MARCHF5: variants seen among roughly 807,000 people sequenced by gnomAD.
MARCHF5 encodes membrane associated ring-CH-type finger 5, also known as E3 ubiquitin-protein ligase MARCHF5.
MARCHF5 carries 5 observed loss-of-function variants against 36.5 expected under a neutral mutation model. The observed-to-expected ratio is 0.14, with a 90% CI of 0.07 to 0.29. The LOEUF (loss-of-function observed/expected upper bound fraction) is 0.29. Ranked by LOEUF, MARCHF5 falls within the 10% of genes least tolerant of loss-of-function variation. The probability of loss-of-function intolerance (pLI) is 1.00; values close to 1 mark genes in which losing one functional copy is unlikely to be tolerated. For synonymous variants in MARCHF5, 103 were observed against 109.9 expected (o/e 0.94, Z 0.39); for missense variants, 179 against 336.3 (o/e 0.53, Z 3.66).
chr10:92,295,399 A>ATTTT (rs1234961486), intron 1 of MARCHF5, among the ~76,000 whole-genome samples: 72 of 65,004 alleles, frequency 1.1e-3, no homozygotes, highest in Non-Finnish European at 1.8e-3. Flanking sequence ...TTATTTATTT[A>ATTTT]TTTATTTATT....
chr10:92,332,576 A>T (rs1448187088), intron 2 of MARCHF5, among the ~76,000 whole-genome samples: 2 of 136,670 alleles, frequency 1.5e-5, no homozygotes, highest in Admixed American at 8.4e-5. Flanking sequence ...GCTAGAGTGC[A>T]ATGGCGCAAT....
At chr10:92,339,863 A>G (rs1426315165) in intron 2 of MARCHF5, among the ~76,000 whole-genome samples, 2 of 152,178 alleles carry the variant, frequency 1.3e-5, no homozygotes, top group Non-Finnish European at 2.9e-5. Context: ...CAGATTTCAG[A>G]GTAAGCATAT....
At chr10:92,294,965 G>A (rs971177648) in intron 1 of MARCHF5, among the ~76,000 whole-genome samples, 3 of 152,128 alleles carry the variant, frequency 2.0e-5, no homozygotes, top group Non-Finnish European at 2.9e-5. Flanking sequence ...CTTGGGGGTC[G>A]TGGCTGTAGT....
chr10:92,291,499 C>T lies in MARCHF5; in HGVS notation c.5C>T (p.Pro2Leu). The stretch of plus-strand genomic sequence containing the variant: ...TGTGCGCCGGCTCCGCGGAAGATGC[C>T]GGACCAAGCCCTACAGCAGATGCTG... The part of the protein sequence containing the change: M[P>L]DQALQQMLDR... The change falls in exon 1 of 6, where the codon CCG becomes CTG. Residue 2 changes from proline to leucine, a missense_variant. Pro to Leu is a moderately conservative substitution (Grantham distance 98). Coordinates refer to ENST00000358935, the MANE Select transcript of MARCHF5 (RefSeq NM_017824.5). 1.3e-6 allele frequency: 2 copies of T among 1,548,428 alleles called. No homozygotes were observed. Among genetic ancestry groups the T allele is most frequent in the Non-Finnish European group, 1.7e-6 (2 of 1,145,836 alleles).
chr10:92,331,920 C>CGTATATATGT (rs1491366722), intron 2 of MARCHF5, among the ~76,000 whole-genome samples: 2 of 56,384 alleles, frequency 3.5e-5, no homozygotes, highest in African/African-American at 1.1e-4. Flanking sequence ...TATATATAAT[C>CGTATATATGT]ATATATATGT....
intron 2 of MARCHF5, among the ~76,000 whole-genome samples, chr10:92,340,227 A>C (rs1843563555): frequency 6.6e-6 from 1 of 152,214 alleles, no homozygotes; most frequent in African/African-American, 2.4e-5. Flanking sequence ...TATAAGAAGT[A>C]ACTATATTTG....
At chr10:92,342,166 G>A (rs1253674488) in intron 3 of MARCHF5, among the ~76,000 whole-genome samples, 4 of 140,472 alleles carry the variant, frequency 2.8e-5, no homozygotes, top group African/African-American at 5.4e-5. Flanking sequence ...ACCGCCCCCC[G>A]ACAAAACAAA....
Position 92,311,300 on chromosome 10 carries a change from G to A in MARCHF5, c.201G>A (p.Gln67=), listed in dbSNP as rs1319295403. 6.2e-7 allele frequency: 1 copy of A among 1,606,800 alleles called. No individual in the cohort carries two copies. Among genetic ancestry groups the A allele is most frequent in the Non-Finnish European group, 8.5e-7 (1 of 1,176,008 alleles). The part of the protein sequence containing the change: ...GNSTARVACP[Q]CNAEYLIVFP... Reference sequence around the variant, plus strand: ...GTACAGCCAGAGTGGCATGTCCTCAGTGCAATGCTGAATACCTAATAGTTT... The same window carrying A: ...GTACAGCCAGAGTGGCATGTCCTCAATGCAATGCTGAATACCTAATAGTTT... Residue 67 remains glutamine (Q), a synonymous_variant, in exon 2 of 6, where the codon CAG becomes CAA. Coordinates refer to ENST00000358935, the MANE Select transcript of MARCHF5 (RefSeq NM_017824.5).
intron 1 of MARCHF5, among the ~76,000 whole-genome samples, chr10:92,304,162 G>C (rs964522678): frequency 6.6e-6 from 1 of 152,136 alleles, no homozygotes; most frequent in Non-Finnish European, 1.5e-5. Flanking sequence ...TGAATGCCAG[G>C]GTGCCAAGTA....
intron 1 of MARCHF5, among the ~76,000 whole-genome samples, chr10:92,295,310 CTTTTCTTTTT>C (rs1842935146): frequency 7.6e-5 from 2 of 26,224 alleles, no homozygotes; most frequent in South Asian, 1.3e-3. Flanking sequence ...CTAGAGGCAA[CTTTTCTTTTT>C]TTTTTTTTTT....
intron 2 of MARCHF5, among the ~76,000 whole-genome samples, chr10:92,327,687 G>A (rs1406069362): frequency 6.6e-6 from 1 of 152,204 alleles, no homozygotes; most frequent in African/African-American, 2.4e-5. Context: ...TCAATACACA[G>A]AACTAGTTAT....
Position 92,351,230 on chromosome 10 carries a change from A to G in MARCHF5, c.*23A>G. ...TAAAACTGACTTCTGGTTGTTCTGCAGTTCTCTCATCCTTATGAATCTGTT... is the reference window on the plus strand; with the variant it reads ...TAAAACTGACTTCTGGTTGTTCTGCGGTTCTCTCATCCTTATGAATCTGTT... On this transcript the variant is annotated 3_prime_UTR_variant, in exon 6 of 6. Coordinates refer to ENST00000358935, the MANE Select transcript of MARCHF5 (RefSeq NM_017824.5). The G allele has an allele frequency of 7.2e-7, 1 of 1,383,912 alleles. No individual in the cohort carries two copies. The highest frequency in any genetic ancestry group is 1.0e-6 in the Non-Finnish European group (1 of 973,248). 85.7% of individuals were successfully genotyped at this position (1,383,912 alleles called of 1,614,324 possible).
Position 92,291,309 on chromosome 10 carries a change from C to T in MARCHF5, c.-186C>T, listed in dbSNP as rs1842855768. ...CCTCCTCCTCGCTCTCCGCCGCCTC[C>T]GCCGGACTCCCGCAGGCCCTGCACC... On this transcript the variant is annotated 5_prime_UTR_variant, in exon 1 of 6. Coordinates refer to ENST00000358935, the MANE Select transcript of MARCHF5 (RefSeq NM_017824.5). 7 of 580,220 alleles carry T rather than the reference C, an allele frequency of 1.2e-5. No homozygotes were observed. Among genetic ancestry groups the T allele is most frequent in the African/African-American group, 4.0e-5 (2 of 50,232 alleles). 35.9% of individuals were successfully genotyped at this position (580,220 alleles called of 1,614,324 possible).
chr10:92,339,761 A>G (rs1028037629), intron 2 of MARCHF5, among the ~76,000 whole-genome samples: 4 of 152,152 alleles, frequency 2.6e-5, no homozygotes, highest in African/African-American at 7.2e-5. Context: ...TTCTTCTGGA[A>G]AATTCTGGAG....
At chr10:92,298,997 TG>T (rs1842980325) in intron 1 of MARCHF5, among the ~76,000 whole-genome samples, 1 of 151,514 alleles carries the variant, frequency 6.6e-6, no homozygotes, top group Admixed American at 6.6e-5. Flanking sequence ...TTTTTTTTGG[TG>T]GGGAGGGGGA....
intron 2 of MARCHF5, among the ~76,000 whole-genome samples, chr10:92,319,643 TTTG>T (rs2135194229): frequency 9.6e-6 from 1 of 103,720 alleles, no homozygotes; most frequent in Non-Finnish European, 1.9e-5. Context: ...GTGTTTGTTT[TTTG>T]TTTTTTTGTT....
Position 92,349,370 on chromosome 10 carries a change from C to T in MARCHF5, c.391C>T (p.Leu131=), listed in dbSNP as rs1434885169. The T allele has an allele frequency of 1.2e-6, 2 of 1,612,728 alleles. No individual in the cohort carries two copies. Among genetic ancestry groups the T allele is most frequent in the Non-Finnish European group, 1.7e-6 (2 of 1,179,498 alleles). The change falls in exon 4 of 6, where the codon CTG becomes TTG. Residue 131 remains leucine, a synonymous_variant. Transcript: ENST00000358935. ...VMQVVGHKEG[L]DVMERADPLF... ...ACAGGTTGTAGGTCATAAAGAAGGT[C>T]TGGATGTTATGGAGAGAGCTGATCC...
At chr10:92,350,211 T>G (rs1843700396) in intron 5 of MARCHF5, 1 of 201,586 alleles carries the variant, frequency 5.0e-6, no homozygotes, top group Admixed American at 5.5e-5. Flanking sequence ...TGTAGTATGG[T>G]GATGGTAATA....
At chr10:92,328,818 TA>T (rs374838544) in intron 2 of MARCHF5, among the ~76,000 whole-genome samples, 3,294 of 76,400 alleles carry the variant, frequency 0.043, 116 homozygotes, top group African/African-American at 0.11. Flanking sequence ...TATATATATA[TA>T]TATTTTTTTT....
Sources: allele counts gnomAD v4.1 joint callset (sites outside exome capture counted in the v4.1 genomes callset), GRCh38; gene constraint gnomAD v4.1.1; transcripts MANE v1.5; gene names NCBI Gene and HGNC (gene_info 2026-07-23, HGNC 2026-07-21).